The following SEPTIN9 variants were observed in gnomAD, a reference collection of about 807,000 sequenced individuals.
The protein encoded by SEPTIN9 is septin-9.
Under a neutral mutation model 56.6 loss-of-function variants are expected in SEPTIN9, and 13 were observed. The ratio of observed to expected loss-of-function variants is 0.23; its 90% CI spans 0.15 to 0.37. The LOEUF (loss-of-function observed/expected upper bound fraction) is 0.37, where lower values mean the gene tolerates loss of function less well. SEPTIN9 is among the 10% of genes least tolerant of loss of function. The pLI, the probability that SEPTIN9 is intolerant of heterozygous loss-of-function variation, is 1.00. For synonymous variants in SEPTIN9, 332 were observed against 334.1 expected (o/e 0.99, Z 0.07); for missense variants, 650 against 823.1 (o/e 0.79, Z 2.57).
At chr17:77,464,828 C>T (rs912602392) in intron 3 of SEPTIN9, among the ~76,000 whole-genome samples, 47 of 151,774 alleles carry the variant, frequency 3.1e-4, no homozygotes, top group African/African-American at 1.1e-3. Context: ...CTCCTGACCT[C>T]GTGATCCACC....
chr17:77,385,691 G>C (rs1251248464), intron 2 of SEPTIN9, among the ~76,000 whole-genome samples: 1 of 152,256 alleles, frequency 6.6e-6, no homozygotes, highest in African/African-American at 2.4e-5. Context: ...CCTGAGGCCT[G>C]GGCTGGTTTT....
rs553614034 is a variant in SEPTIN9 at position 77,456,688 on chromosome 17, C to T, written c.722-25456C>T. On this transcript the variant is annotated intron_variant, in intron 3 of 11. Transcript: ENST00000427177. This position sits in a 1 kb window ranked among gnomAD's most constrained non-coding sequence, Gnocchi z 6.0. ...AGTACCAGGTCTCAGGGACCAGCACCGGGTACCCACAGCCAGGGACGGGCC... is the reference window on the plus strand; with the variant it reads ...AGTACCAGGTCTCAGGGACCAGCACTGGGTACCCACAGCCAGGGACGGGCC... Among the ~76,000 whole-genome samples, 28 of 148,378 alleles carry T rather than the reference C, an allele frequency of 1.9e-4. No homozygotes were observed. The highest frequency in any genetic ancestry group is 1.7e-3 in the South Asian group (8 of 4,680).
chr17:77,284,403 T>C (rs2031178239), intron 1 of SEPTIN9, among the ~76,000 whole-genome samples: 1 of 152,236 alleles, frequency 6.6e-6, no homozygotes, highest in Admixed American at 6.5e-5. Flanking sequence ...GCAGCTCCAC[T>C]GCTGCTCCAG....
At chr17:77,466,380 T>C (rs889168723) in intron 3 of SEPTIN9, 106 of 984,966 alleles carry the variant, frequency 1.1e-4, no homozygotes, top group Non-Finnish European at 1.3e-4. Flanking sequence ...CATATGAATG[T>C]AGCTCCTTCC....
In SEPTIN9 at chr17:77,402,155, GCTC is replaced by G. The variant is rs1471088684; in HGVS notation, c.175_177del (p.Ser59del). 27 of 1,613,720 alleles carry G rather than the reference GCTC, an allele frequency of 1.7e-5. No individual in the cohort carries two copies. The highest frequency in any genetic ancestry group is 2.2e-5 in the Non-Finnish European group (26 of 1,179,874). On this transcript the variant is annotated inframe_deletion, in exon 3 of 12. Coordinates refer to ENST00000427177, the MANE Select transcript of SEPTIN9 (RefSeq NM_001113491.2). This position sits in a 1 kb window ranked among gnomAD's most constrained non-coding sequence, Gnocchi z 6.6. The stretch of plus-strand genomic sequence containing the variant: ...CCCCTACTCCGAGCCACTGTGGCCA[GCTC>G]CACCCAGAAATTCCAGGACCTGGGC...
At position 77,371,309 on chromosome 17, in the gene SEPTIN9, G is replaced by A. The variant is rs545021312; in HGVS notation, c.77-30750G>A. On this transcript the variant is annotated intron_variant, in intron 2 of 11. Coordinates refer to ENST00000427177, the MANE Select transcript of SEPTIN9 (RefSeq NM_001113491.2). This position sits in a 1 kb window ranked among gnomAD's most constrained non-coding sequence, Gnocchi z 4.1. ...CCTTGGGTTCCCATTTTGGTGAGGC[G>A]TGCACCCTGGCGGCGCTCCCCAGGG... Among the ~76,000 whole-genome samples the A allele has an allele frequency of 2.0e-5, 3 of 152,336 alleles. No homozygotes were observed. The highest frequency in any genetic ancestry group is 4.4e-5 in the Non-Finnish European group (3 of 68,040).
intron 3 of SEPTIN9, among the ~76,000 whole-genome samples, chr17:77,412,953 A>C (rs1191183226): frequency 1.3e-5 from 2 of 152,124 alleles, no homozygotes; most frequent in African/African-American, 4.8e-5. Context: ...GTTTTCTTCT[A>C]GTACTTCTGT....
chr17:77,299,814 T>C (rs2031958150), intron 1 of SEPTIN9, among the ~76,000 whole-genome samples: 1 of 152,164 alleles, frequency 6.6e-6, no homozygotes, highest in Non-Finnish European at 1.5e-5. Context: ...TGATCTCACC[T>C]TCCCCAGCCT....
intron 3 of SEPTIN9, 152 bp from the exon 4 acceptor site, chr17:77,481,992 G>A (rs1318397865): frequency 8.6e-6 from 6 of 693,770 alleles, no homozygotes; most frequent in Non-Finnish European, 1.4e-5. Flanking sequence ...CCACCCGGGG[G>A]AATTCTCAGG....
chr17:77,430,018 C>A (rs1205276351), intron 3 of SEPTIN9, among the ~76,000 whole-genome samples: 1 of 152,146 alleles, frequency 6.6e-6, no homozygotes, highest in African/African-American at 2.4e-5. Context: ...GTACCCCATG[C>A]AAGCACAGTG....
At chr17:77,373,345 A>C (rs1463418762) in intron 2 of SEPTIN9, 10 of 1,179,668 alleles carry the variant, frequency 8.5e-6, no homozygotes, top group African/African-American at 1.6e-5. Flanking sequence ...CCATTCATTC[A>C]GCTGAGCCAG....
At chr17:77,342,205 ATGT>A (rs1190942589) in intron 2 of SEPTIN9, among the ~76,000 whole-genome samples, 2 of 152,216 alleles carry the variant, frequency 1.3e-5, no homozygotes, top group Admixed American at 6.5e-5. Context: ...CAGTGTTAAC[ATGT>A]TGTTGGAAAA....
intron 3 of SEPTIN9, among the ~76,000 whole-genome samples, chr17:77,471,969 C>G (rs919122777): frequency 9.9e-5 from 15 of 151,812 alleles, no homozygotes; most frequent in African/African-American, 3.4e-4. Flanking sequence ...AATAGCCCCC[C>G]CCACCACACA....
At chr17:77,296,363 A>G (rs973006084) in intron 1 of SEPTIN9, among the ~76,000 whole-genome samples, 2 of 152,206 alleles carry the variant, frequency 1.3e-5, no homozygotes, top group African/African-American at 4.8e-5. Context: ...ATGGCTAGAT[A>G]GACAGACAAG....
At chr17:77,298,030 AGGAG>A (rs1238138631) in intron 1 of SEPTIN9, among the ~76,000 whole-genome samples, 1 of 152,168 alleles carries the variant, frequency 6.6e-6, no homozygotes, top group African/African-American at 2.4e-5. Flanking sequence ...GGCGAGGAGG[AGGAG>A]GGAGACGCAG....
rs535647810 is a variant in SEPTIN9 at position 77,445,054 on chromosome 17, A to G, written c.722-37090A>G. On this transcript the variant is annotated intron_variant, in intron 3 of 11. Coordinates refer to ENST00000427177, the MANE Select transcript of SEPTIN9 (RefSeq NM_001113491.2). The surrounding 1 kb of genome is among the most constrained non-coding windows in gnomAD (Gnocchi z 4.7). ...CAGCCCAGCAGCTGCGCTGCCTCAC[A>G]GAAAATGTGCAGAGGCCCCTCTGTC... 5.1e-6 allele frequency: 2 copies of G among 390,250 alleles called. No individual in the cohort carries two copies. Among genetic ancestry groups the G allele is most frequent in the Admixed American group, 3.5e-5 (1 of 28,740 alleles). 24.2% of individuals were successfully genotyped at this position (390,250 alleles called of 1,614,324 possible).
At chr17:77,299,836 A>G (rs923764620) in intron 1 of SEPTIN9, among the ~76,000 whole-genome samples, 1 of 152,186 alleles carries the variant, frequency 6.6e-6, no homozygotes, top group Non-Finnish European at 1.5e-5. Context: ...GGAGCCAGAT[A>G]CTGTTGGCAG....
chr17:77,327,396 A>T lies in SEPTIN9; in HGVS notation c.76+20199A>T, dbSNP rs768493287. Among the ~76,000 whole-genome samples the T allele has an allele frequency of 6.6e-6, 1 of 152,116 alleles. No individual in the cohort carries two copies. The highest frequency in any genetic ancestry group is 2.1e-4 in the South Asian group (1 of 4,826). ...TGTGTGCCCCCGCCTGGCCCCATGC[A>T]TCCCGCACGGTGCTCCCCAGGGTCT... On this transcript the variant is annotated intron_variant, in intron 2 of 11. Coordinates refer to ENST00000427177, the MANE Select transcript of SEPTIN9 (RefSeq NM_001113491.2). This position sits in a 1 kb window ranked among gnomAD's most constrained non-coding sequence, Gnocchi z 5.0.
chr17:77,455,385 G>T (rs764130270), intron 3 of SEPTIN9, among the ~76,000 whole-genome samples: 1 of 152,218 alleles, frequency 6.6e-6, no homozygotes, highest in Non-Finnish European at 1.5e-5. Context: ...TGTGCCCCCG[G>T]CAGGGCCTGC....
Sources: gnomAD v4.1 joint callset for allele counts (sites outside exome capture counted in the v4.1 genomes callset) on GRCh38, gnomAD v4.1.1 for gene constraint, Gnocchi (gnomAD v3.1) non-coding constraint, MANE v1.5 for transcripts, NCBI Gene and HGNC (gene_info 2026-07-23, HGNC 2026-07-21) for gene names.